Variants in SPG7 observed in about 807,000 individuals in gnomAD.
The protein encoded by SPG7 is mitochondrial inner membrane m-AAA protease component paraplegin.
A neutral mutation model predicts 81.9 loss-of-function variants in SPG7; 103 were observed. That is an observed-to-expected ratio of 1.26 (90% CI 1.07 to 1.48). The LOEUF (loss-of-function observed/expected upper bound fraction) is 1.48, where lower values mean the gene tolerates loss of function less well. SPG7 is among the 40% of genes most tolerant of loss of function. The probability of loss-of-function intolerance (pLI) is 0.00; values close to 1 mark genes in which losing one functional copy is unlikely to be tolerated. For missense variants in SPG7, 1,241 were observed against 1,087.3 expected, an observed-to-expected ratio of 1.14 and a Z score of -1.99; for synonymous variants, 534 against 444.2, an observed-to-expected ratio of 1.20 and a Z score of -2.54.
intron 3 of SPG7, 22 bp from the exon 4 acceptor site, chr16:89,523,983 CT>C: frequency 1.2e-6 from 2 of 1,610,218 alleles, no homozygotes; most frequent in Non-Finnish European, 1.7e-6. Flanking sequence ...TTGTTTCTCC[CT>C]TTTGCTTCTC....
rs3803680 is a variant in SPG7 at position 89,523,835 on chromosome 16, G to A, written c.377-171G>A. On this transcript the variant is annotated intron_variant, in intron 3 of 16. Coordinates refer to ENST00000645818, the MANE Select transcript of SPG7 (RefSeq NM_003119.4). ...TGTGGGTGACCTCGAACAGCACAGC[G>A]TTAGTCTTTGTCTCTGATAACGTCA... 403,204 of 875,658 alleles carry A rather than the reference G, an allele frequency of 0.46. 95,911 individuals carry two copies. The highest frequency in any genetic ancestry group is 0.69 in the East Asian group (26,187 of 37,866). The allele number at this position is 875,658 out of a possible 1,614,324, so 54.2% of individuals were successfully genotyped here. A position where few individuals can be genotyped will look rare whatever the true frequency, so the allele number is the denominator to read the frequency against.
chr16:89,513,166 T>G, intron 3 of SPG7, 129 bp downstream of exon 3: 1 of 1,361,538 alleles, frequency 7.3e-7, no homozygotes, highest in Non-Finnish European at 1.0e-6. Context: ...CTCACACTTG[T>G]AATCGAAACG....
At chr16:89,536,335 C>T (rs917783372) in intron 9 of SPG7, among the ~76,000 whole-genome samples, 3 of 151,874 alleles carry the variant, frequency 2.0e-5, no homozygotes, top group African/African-American at 7.3e-5. Context: ...GCTGTGTGGC[C>T]TTCAGTGTGG....
At chr16:89,548,966 C>G (rs1320094888) in intron 12 of SPG7, 1 of 454,852 alleles carries the variant, frequency 2.2e-6, no homozygotes, top group Admixed American at 2.3e-5. Context: ...CTAGCACGAA[C>G]ACGCCTCTTG....
intron 3 of SPG7, among the ~76,000 whole-genome samples, chr16:89,515,242 C>CT (rs56289056): frequency 0.43 from 60,504 of 140,234 alleles, 13,222 homozygotes; most frequent in East Asian, 0.67. Flanking sequence ...AGCCCTGGAC[C>CT]TTTTTTTTTT....
chr16:89,524,301 C>T (rs918079929), intron 4 of SPG7, 54 bp downstream of exon 4: 7 of 1,570,544 alleles, frequency 4.5e-6, no homozygotes, highest in African/African-American at 2.7e-5. Context: ...AGGCTGGCAG[C>T]CTGTGAGAGT....
rs144415749 is a variant in SPG7, at chr16:89,536,809, C to T, written c.1324+4173C>T. The T allele has an allele frequency of 3.5e-4, 568 of 1,614,116 alleles. 1 individual carries two copies. The African/African-American group carries it at 6.7e-3, about 19-fold the overall frequency. On this transcript the variant is annotated intron_variant, in intron 9 of 16. Transcript: ENST00000645818. ...ACCCTCCCAGGGGACCATGAGGAAG[C>T]TCAGAGGAAAGACCCCCGCCTGCTC... is the stretch of plus-strand genomic sequence containing the variant.
intron 12 of SPG7, chr16:89,548,331 A>G (rs1164788494): frequency 1.9e-6 from 1 of 525,990 alleles, no homozygotes; most frequent in Non-Finnish European, 3.4e-6. Flanking sequence ...CTCGTCCAAC[A>G]GAAATAAAAA....
intron 16 of SPG7, chr16:89,556,316 A>G (rs1047999527): frequency 2.6e-6 from 1 of 378,182 alleles, no homozygotes; most frequent in African/African-American, 2.1e-5. Flanking sequence ...AACAACAACA[A>G]CAACAAAAAA....
At position 89,510,477 on chromosome 16, in the gene SPG7, T is replaced by C; in HGVS notation, c.184-13T>C. 6.5e-7 allele frequency: 1 copy of C among 1,550,226 alleles called. No homozygotes were observed. The highest frequency in any genetic ancestry group is 8.9e-7 in the Non-Finnish European group (1 of 1,126,290). The stretch of plus-strand genomic sequence containing the variant: ...TGGTGTGACCTCCAGTATTGTTTTT[T>C]TTTTTTTTTCAGAGCTTACAATTGA... On this transcript the variant is annotated splice_polypyrimidine_tract_variant and intron_variant, in intron 1 of 16. Transcript: ENST00000645818.
chr16:89,508,724 C>A, intron 1 of SPG7, 124 bp downstream of exon 1: 1 of 1,028,666 alleles, frequency 9.7e-7, no homozygotes, highest in Non-Finnish European at 1.4e-6. Flanking sequence ...TGTGGGCCCG[C>A]GGATCCCCCA....
chr16:89,525,013 G>C (rs2058242404), intron 4 of SPG7, among the ~76,000 whole-genome samples: 1 of 149,698 alleles, frequency 6.7e-6, no homozygotes, highest in Non-Finnish European at 1.5e-5. Context: ...TGAGATGCAG[G>C]GGTGTGTGTG....
chr16:89,517,897 G>C (rs1316783279), intron 3 of SPG7: 3 of 152,252 alleles, frequency 2.0e-5, no homozygotes, highest in Non-Finnish European at 4.4e-5. Context: ...GGGATTATAG[G>C]CGTGAGCCAC....
chr16:89,514,066 C>G lies in SPG7; in HGVS notation c.376+1029C>G, dbSNP rs949690735. Among the ~76,000 whole-genome samples, 22 of 152,210 alleles carry G rather than the reference C, an allele frequency of 1.4e-4. 1 individual carries two copies. The highest frequency in any genetic ancestry group is 3.9e-4 in the Admixed American group (6 of 15,268). Reference sequence around the variant, plus strand: ...GAGCTCTGACTCTCCCTACTGAGCTCTCGAGGGGAGGTCATAACTGCGGGA... The same window carrying G: ...GAGCTCTGACTCTCCCTACTGAGCTGTCGAGGGGAGGTCATAACTGCGGGA... On this transcript the variant is annotated intron_variant, in intron 3 of 16. Coordinates refer to ENST00000645818, the MANE Select transcript of SPG7 (RefSeq NM_003119.4).
intron 3 of SPG7, chr16:89,519,111 G>C (rs1447216425): frequency 6.6e-6 from 1 of 151,796 alleles, no homozygotes; most frequent in African/African-American, 2.4e-5. Flanking sequence ...AGCCTCCTGA[G>C]TAGCTGGGAT....
rs780654018 is a variant in SPG7 at position 89,544,687 on chromosome 16, C to T, written c.1364C>T (p.Thr455Met). 18 of 1,613,950 alleles carry T rather than the reference C, an allele frequency of 1.1e-5. No individual in the cohort carries two copies. The highest frequency in any genetic ancestry group is 5.5e-5 in the South Asian group (5 of 91,080). Residue 455 changes from threonine to methionine, a missense_variant, in exon 10 of 17, where the codon ACG (threonine) becomes ATG (methionine). By Grantham distance (81) the Thr-to-Met change is moderately conservative (BLOSUM62 -1). Coordinates refer to ENST00000645818, the MANE Select transcript of SPG7 (RefSeq NM_003119.4). The stretch of plus-strand genomic sequence containing the variant: ...GACCATGTCATCGTCCTGGCGTCCA[C>T]GAACCGAGCTGACATTTTGGACGGT... ...TTDHVIVLASTNRADILDGAL... is the reference protein window; with the variant it reads ...TTDHVIVLASMNRADILDGAL...
Position 89,532,533 on chromosome 16 carries a change from C to A in SPG7, c.1221C>A (p.Ile407=). Residue 407 remains isoleucine, a synonymous_variant, in exon 9 of 17, where the codon ATC becomes ATA. Transcript: ENST00000645818. ...CCCGGGCCCCCTGCATCGTCTACAT[C>A]GATGAGATCGACGCGGTGGGCAAGA... The part of the protein sequence containing the change: ...ARARAPCIVY[I]DEIDAVGKKR... The A allele has an allele frequency of 6.2e-7, 1 of 1,613,766 alleles. No individual in the cohort carries two copies. The highest frequency in any genetic ancestry group is 8.5e-7 in the Non-Finnish European group (1 of 1,180,036).
chr16:89,528,012 T>C (rs1597626443), intron 5 of SPG7, among the ~76,000 whole-genome samples: 1 of 152,086 alleles, frequency 6.6e-6, no homozygotes, highest in East Asian at 1.9e-4. Flanking sequence ...GTGTGTCTCA[T>C]GTCTTTGTAG....
chr16:89,550,501 C>T lies in SPG7; in HGVS notation c.1671C>T (p.Ala557=), dbSNP rs1298473898. The change falls in exon 13 of 17, where the codon GCC becomes GCT. Residue 557 remains alanine, a synonymous_variant. Transcript: ENST00000645818. ...YAVERVLAGT[A]KKSKILSKEE... is the part of the protein sequence containing the mutation. ...ACCCCGGCATTCTTTCAGGGACTGC[C>T]AAAAAGAGCAAGATCCTGTCCAAGG... The T allele has an allele frequency of 6.2e-7, 1 of 1,612,980 alleles. No homozygotes were observed. The highest frequency in any genetic ancestry group is 2.2e-5 in the East Asian group (1 of 44,890).
Sources: allele counts gnomAD v4.1 joint callset (sites outside exome capture counted in the v4.1 genomes callset), GRCh38; gene constraint gnomAD v4.1.1; transcripts MANE v1.5; gene names NCBI Gene and HGNC (gene_info 2026-07-23, HGNC 2026-07-21).